The following RALYL variants were observed in gnomAD, a reference collection of about 807,000 sequenced individuals.
RALYL encodes RALY RNA binding protein like.
In RALYL, 29 loss-of-function variants were observed where a neutral mutation model predicts 35.1. The ratio of observed to expected loss-of-function variants is 0.83; its 90% CI spans 0.61 to 1.13. RALYL has a LOEUF of 1.13. Among genes scored for constraint, RALYL ranks in the 50% most tolerant of loss-of-function variants. RALYL has a pLI of 0.00. For synonymous variants in RALYL, 120 were observed against 127.6 expected, an observed-to-expected ratio of 0.94 and a Z score of 0.40; for missense variants, 359 against 360.4, an observed-to-expected ratio of 1.00 and a Z score of 0.03.
rs531641718 is a variant in RALYL at position 84,545,369 on chromosome 8, T to G, written c.256+15792T>G. Reference sequence around the variant, plus strand: ...CATCTGGCTGGACAGTCCTACTCCATGCTGTTCTCTTTCAAAACTGTCCTC... The same window carrying G: ...CATCTGGCTGGACAGTCCTACTCCAGGCTGTTCTCTTTCAAAACTGTCCTC... On this transcript the variant is annotated intron_variant, in intron 2 of 8. Transcript: ENST00000521268. Among the ~76,000 whole-genome samples, 10 of 152,312 alleles carry G rather than the reference T, an allele frequency of 6.6e-5. No homozygotes were observed. In the South Asian group the frequency reaches 1.9e-3, roughly 28 times the overall value.
intron 1 of RALYL, among the ~76,000 whole-genome samples, chr8:84,446,250 C>G (rs540725287): frequency 6.6e-6 from 1 of 151,844 alleles, no homozygotes; most frequent in Non-Finnish European, 1.5e-5. Context: ...ACATATTGAA[C>G]TACCCATAAT....
At chr8:84,266,912 A>G (rs916088150) in intron 1 of RALYL, among the ~76,000 whole-genome samples, 2 of 148,316 alleles carry the variant, frequency 1.3e-5, no homozygotes, top group African/African-American at 2.5e-5. Flanking sequence ...GTGAGCCGAG[A>G]TCGCGCCACT....
intron 4 of RALYL, among the ~76,000 whole-genome samples, chr8:84,817,225 T>C (rs2134186024): frequency 6.6e-6 from 1 of 152,270 alleles, no homozygotes; most frequent in Non-Finnish European, 1.5e-5. Flanking sequence ...TTCTTTCCAG[T>C]CTTGAAGTAG....
At chr8:84,365,375 T>C (rs140694701) in intron 1 of RALYL, among the ~76,000 whole-genome samples, 3 of 152,272 alleles carry the variant, frequency 2.0e-5, no homozygotes, top group African/African-American at 7.2e-5. Context: ...TATAAGTGAG[T>C]CCTCATCTAT....
intron 1 of RALYL, among the ~76,000 whole-genome samples, chr8:84,471,646 T>C (rs1404899534): frequency 6.6e-6 from 1 of 152,128 alleles, no homozygotes; most frequent in Non-Finnish European, 1.5e-5. Flanking sequence ...CAACATTGTA[T>C]GAAAATAAAC....
At chr8:84,450,516 T>G (rs1208397373) in intron 1 of RALYL, among the ~76,000 whole-genome samples, 1 of 151,954 alleles carries the variant, frequency 6.6e-6, no homozygotes, top group Non-Finnish European at 1.5e-5. Flanking sequence ...TGCCTGCTAC[T>G]AGATAATTAG....
chr8:84,544,817 A>G (rs2060248810), intron 2 of RALYL, among the ~76,000 whole-genome samples: 1 of 152,054 alleles, frequency 6.6e-6, no homozygotes, highest in African/African-American at 2.4e-5. Context: ...TATATTTGGA[A>G]TATATTTTAC....
chr8:84,371,842 T>A (rs900295606), intron 1 of RALYL, among the ~76,000 whole-genome samples: 3 of 151,986 alleles, frequency 2.0e-5, no homozygotes, highest in Non-Finnish European at 4.4e-5. Context: ...TTATTATACA[T>A]ATATAGAGAG....
chr8:84,267,301 C>G (rs891187728), intron 1 of RALYL, among the ~76,000 whole-genome samples: 116 of 152,254 alleles, frequency 7.6e-4, no homozygotes, highest in African/African-American at 2.7e-3. Context: ...ACATTTTGAT[C>G]CCGATTGTAA....
At chr8:84,670,179 G>A (rs1029723549) in intron 2 of RALYL, among the ~76,000 whole-genome samples, 2 of 150,694 alleles carry the variant, frequency 1.3e-5, no homozygotes, top group African/African-American at 2.4e-5. Context: ...CTGATAATGG[G>A]ATCCTGGTCA....
At chr8:84,901,245 C>T (rs1212092508) in intron 8 of RALYL, among the ~76,000 whole-genome samples, 1 of 152,002 alleles carries the variant, frequency 6.6e-6, no homozygotes, top group Non-Finnish European at 1.5e-5. Context: ...AGGTCAGGAG[C>T]CTATAGTCAG....
intron 2 of RALYL, among the ~76,000 whole-genome samples, chr8:84,669,494 C>G (rs796821281): frequency 1.6e-5 from 1 of 64,116 alleles, no homozygotes; most frequent in South Asian, 8.7e-4. Context: ...CCCTCCCCCC[C>G]CCCCCACTCT....
intron 2 of RALYL, chr8:84,679,747 C>G: frequency 1.9e-6 from 1 of 522,606 alleles, no homozygotes; most frequent in Non-Finnish European, 3.9e-6. Context: ...CACTAACAGA[C>G]CTGATACTTT....
intron 2 of RALYL, among the ~76,000 whole-genome samples, chr8:84,649,455 G>T (rs1008849534): frequency 5.3e-5 from 8 of 151,668 alleles, no homozygotes; most frequent in African/African-American, 1.7e-4. Context: ...ATTAATTTTT[G>T]TATAAGGTGT....
At chr8:84,812,696 G>A (rs2114523) in intron 4 of RALYL, among the ~76,000 whole-genome samples, 98,615 of 151,796 alleles carry the variant, frequency 0.65, 33,265 homozygotes, top group East Asian at 0.88. Flanking sequence ...AGAAGTGGGA[G>A]AAAACTGGCA....
intron 4 of RALYL, among the ~76,000 whole-genome samples, chr8:84,843,622 A>G (rs183673229): frequency 2.7e-4 from 41 of 152,314 alleles, no homozygotes; most frequent in African/African-American, 8.7e-4. Flanking sequence ...CACTACTTTA[A>G]AGTTCATATG....
At chr8:84,745,670 C>T (rs1205311234) in intron 2 of RALYL, among the ~76,000 whole-genome samples, 1 of 151,914 alleles carries the variant, frequency 6.6e-6, no homozygotes, top group Non-Finnish European at 1.5e-5. Context: ...AAAGAAATGG[C>T]CTTCTAGGCC....
In RALYL at chr8:84,770,957, C is replaced by A. The variant is rs780240516; in HGVS notation, c.257-3622C>A. ...TAGATTCTCGATTTTAGTCCTTTGA[C>A]AGATGTATAAATTGTGAAGATTTTC... On this transcript the variant is annotated intron_variant, in intron 2 of 8. Transcript: ENST00000521268. Among the ~76,000 whole-genome samples the A allele has an allele frequency of 1.3e-5, 2 of 152,066 alleles. 1 individual carries two copies. The highest frequency in any genetic ancestry group is 1.3e-4 in the Admixed American group (2 of 15,258).
At chr8:84,366,194 A>T (rs1854233234) in intron 1 of RALYL, among the ~76,000 whole-genome samples, 1 of 152,138 alleles carries the variant, frequency 6.6e-6, no homozygotes, top group Non-Finnish European at 1.5e-5. Context: ...TAAGAAGATG[A>T]TCTCCCAAAA....
Sources: allele counts gnomAD v4.1 joint callset (sites outside exome capture counted in the v4.1 genomes callset), GRCh38; gene constraint gnomAD v4.1.1; transcripts MANE v1.5; gene names NCBI Gene and HGNC (gene_info 2026-07-23, HGNC 2026-07-21).